ATP10B: variants seen among roughly 807,000 people sequenced by gnomAD.
ATP10B encodes ATPase phospholipid transporting 10B (putative).
Under a neutral mutation model 141.2 loss-of-function variants are expected in ATP10B, and 122 were observed. The observed-to-expected ratio is 0.86, with a 90% CI of 0.75 to 1.00. The LOEUF is 1.00. Ranked by LOEUF, ATP10B falls within the 50% of genes least tolerant of loss-of-function variation. The pLI is 0.00. For synonymous variants in ATP10B, 685 were observed against 692.0 expected (o/e 0.99, Z 0.16); for missense variants, 1,876 against 1,825.3 (o/e 1.03, Z -0.51).
intron 12 of ATP10B, 130 bp downstream of exon 12, chr5:160,634,224 G>A (rs1336104121): frequency 2.3e-6 from 3 of 1,301,250 alleles, no homozygotes; most frequent in Non-Finnish European, 2.2e-6. Context: ...CAGGGATACA[G>A]GAAGCAACTT....
rs77491043 is a variant in ATP10B, at chr5:160,646,543, T to C, written c.762-2299A>G. On this transcript the variant is annotated intron_variant, in intron 8 of 25. Coordinates refer to ENST00000327245, the MANE Select transcript of ATP10B (RefSeq NM_025153.3). Reference sequence around the variant, plus strand: ...ATCTGGTAGATAAAATAGATTTTACTGAATATGATAAAAATCATAAAGGTG... The same window carrying C: ...ATCTGGTAGATAAAATAGATTTTACCGAATATGATAAAAATCATAAAGGTG... Among the ~76,000 whole-genome samples, 7 of 152,332 alleles carry C rather than the reference T, an allele frequency of 4.6e-5. No homozygotes were observed. The East Asian group carries it at 1.2e-3, about 25-fold the overall frequency.
chr5:160,836,404 G>A (rs917713891), intron 1 of ATP10B, among the ~76,000 whole-genome samples: 2 of 152,008 alleles, frequency 1.3e-5, no homozygotes, highest in African/African-American at 2.4e-5. Context: ...AATTATTTGT[G>A]TAATGTCTGC....
intron 3 of ATP10B, chr5:160,692,786 A>T (rs561160689): frequency 6.6e-6 from 1 of 152,126 alleles, no homozygotes; most frequent in Non-Finnish European, 1.5e-5. Flanking sequence ...GCCTGTTCTA[A>T]AACTCTTATA....
chr5:160,908,102 A>T, the ATP10B span, among the ~76,000 whole-genome samples: 312 of 152,292 alleles, frequency 2.0e-3, 4 homozygotes, highest in African/African-American at 7.2e-3. Context: ...AAGTATCCTG[A>T]CCAATGCATT....
Position 160,706,911 on chromosome 5 carries a change from G to T in ATP10B, c.-205+9998C>A, listed in dbSNP as rs920123400. Among the ~76,000 whole-genome samples the T allele has an allele frequency of 5.3e-5, 8 of 152,176 alleles. No homozygotes were observed. In the East Asian group the frequency reaches 1.5e-3, roughly 29 times the overall value. On this transcript the variant is annotated intron_variant, in intron 3 of 25. Transcript: ENST00000327245. ...CTCAGGGCACCAAAAGACTCAATGG[G>T]TCAAAGATTTGTGGACTGTTGGTTT...
At chr5:160,768,748 C>G (rs771364703) in intron 2 of ATP10B, among the ~76,000 whole-genome samples, 10 of 152,156 alleles carry the variant, frequency 6.6e-5, no homozygotes, top group Non-Finnish European at 1.2e-4. Context: ...GGGCCCAAAG[C>G]TTTAAGAACA....
At chr5:160,568,544 A>G (rs1212598321) in intron 25 of ATP10B, among the ~76,000 whole-genome samples, 2 of 152,192 alleles carry the variant, frequency 1.3e-5, no homozygotes, top group African/African-American at 4.8e-5. Context: ...TCCTATGGGA[A>G]CATCATCATC....
At chr5:160,644,327 G>T (rs1057040518) in intron 8 of ATP10B, 83 bp from the exon 9 acceptor site, 2 of 932,700 alleles carry the variant, frequency 2.1e-6, no homozygotes, top group Non-Finnish European at 3.5e-6. Flanking sequence ...ACTAGAAGTG[G>T]TGAGTGAACA....
chr5:160,670,733 A>G, intron 6 of ATP10B, 66 bp from the exon 7 acceptor site: 1 of 1,456,398 alleles, frequency 6.9e-7, no homozygotes, highest in Non-Finnish European at 9.5e-7. Context: ...ATGAAAGAAT[A>G]GAGGAAGGTC....
intron 2 of ATP10B, among the ~76,000 whole-genome samples, chr5:160,724,251 CTTT>C (rs35786358): frequency 4.7e-5 from 5 of 107,066 alleles, no homozygotes; most frequent in Non-Finnish European, 1.8e-5. Flanking sequence ...GCTATAATTC[CTTT>C]TTTTTTTTTT....
chr5:160,881,892 T>C, the ATP10B span, among the ~76,000 whole-genome samples: 4 of 152,264 alleles, frequency 2.6e-5, 1 homozygote, highest in South Asian at 8.3e-4. Context: ...AGTGAATGGA[T>C]AAATAAACTG....
At chr5:160,673,730 G>C (rs1762864758) in intron 6 of ATP10B, among the ~76,000 whole-genome samples, 1 of 86,472 alleles carries the variant, frequency 1.2e-5, no homozygotes, top group African/African-American at 3.3e-5. Context: ...GAGTGCCATT[G>C]TAACAGTCAA....
At chr5:160,766,878 G>C (rs1487483368) in intron 2 of ATP10B, among the ~76,000 whole-genome samples, 1 of 152,092 alleles carries the variant, frequency 6.6e-6, no homozygotes, top group East Asian at 1.9e-4. Flanking sequence ...TGGGCACAAT[G>C]GTGCTATTTC....
intron 24 of ATP10B, among the ~76,000 whole-genome samples, chr5:160,579,442 G>A: frequency 6.6e-6 from 1 of 152,154 alleles, no homozygotes; most frequent in Non-Finnish European, 1.5e-5. Context: ...CCCATTGCTT[G>A]TTTCTGTCAG....
chr5:160,702,019 G>C (rs1178459569), intron 3 of ATP10B, among the ~76,000 whole-genome samples: 1 of 151,772 alleles, frequency 6.6e-6, no homozygotes, highest in Admixed American at 6.6e-5. Flanking sequence ...ACTTTATGAG[G>C]TCAGTTGCCA....
the ATP10B span, among the ~76,000 whole-genome samples, chr5:160,907,605 C>T: frequency 1.3e-5 from 2 of 152,154 alleles, no homozygotes; most frequent in South Asian, 2.1e-4. Context: ...AAGCAATCCT[C>T]TTGCTCTGGC....
chr5:160,606,603 C>G (rs192275925), intron 19 of ATP10B, among the ~76,000 whole-genome samples, 162 bp downstream of exon 19: 1 of 152,172 alleles, frequency 6.6e-6, no homozygotes, highest in Non-Finnish European at 1.5e-5. Context: ...ACTTCATCCC[C>G]TAGTTGCTGC....
intron 1 of ATP10B, among the ~76,000 whole-genome samples, chr5:160,841,418 G>T (rs1470664353): frequency 1.3e-5 from 2 of 152,110 alleles, no homozygotes; most frequent in African/African-American, 2.4e-5. Flanking sequence ...TCAATGACAA[G>T]AACAACATTG....
chr5:160,676,337 G>A (rs1763028829), intron 6 of ATP10B, among the ~76,000 whole-genome samples: 2 of 152,114 alleles, frequency 1.3e-5, no homozygotes, highest in South Asian at 2.1e-4. Context: ...TTCAGCCTGG[G>A]GGTATTCAAG....
Sources: allele counts gnomAD v4.1 joint callset (sites outside exome capture counted in the v4.1 genomes callset), GRCh38; gene constraint gnomAD v4.1.1; transcripts MANE v1.5; gene names NCBI Gene and HGNC (gene_info 2026-07-23, HGNC 2026-07-21).